ZEB2: variants seen among roughly 807,000 people sequenced by gnomAD.
ZEB2 encodes zinc finger E-box binding homeobox 2, also known as zinc finger E-box-binding homeobox 2.
ZEB2 carries 6 observed loss-of-function variants against 99.9 expected under a neutral mutation model. That is an observed-to-expected ratio of 0.06 (90% confidence interval 0.03 to 0.12). The LOEUF is 0.12. Among genes scored for constraint, ZEB2 ranks in the 10% least tolerant of loss-of-function variants. The probability of loss-of-function intolerance (pLI) is 1.00; values close to 1 mark genes in which losing one functional copy is unlikely to be tolerated. For synonymous variants in ZEB2, 517 were observed against 542.5 expected (o/e 0.95, Z 0.65); for missense variants, 969 against 1,502.8 (o/e 0.64, Z 5.87).
intron 2 of ZEB2, among the ~76,000 whole-genome samples, chr2:144,435,525 G>A (rs1176590655): frequency 2.6e-5 from 4 of 151,686 alleles, no homozygotes; most frequent in Non-Finnish European, 5.9e-5. Context: ...TTTGAGTTTG[G>A]GAGGTCGAGG....
chr2:144,495,870 G>C lies in ZEB2; in HGVS notation c.73+21408C>G, dbSNP rs1354892445. ...GCAGAAAAGATGGTCTGAAAAATTG[G>C]GTTGTGCTTAGAGCCCTGTGGCTTG... On this transcript the variant is annotated intron_variant, in intron 2 of 9. Coordinates refer to ENST00000627532, the MANE Select transcript of ZEB2 (RefSeq NM_014795.4). 5 of 152,208 alleles carry C rather than the reference G, an allele frequency of 3.3e-5. No individual in the cohort carries two copies. In the East Asian group the frequency reaches 9.6e-4, roughly 29 times the overall value. The allele number at this position is 152,208 out of a possible 1,614,324, so 9.4% of individuals were successfully genotyped here. A position where few individuals can be genotyped will look rare whatever the true frequency, so the allele number is the denominator to read the frequency against.
At chr2:144,518,824 T>G (rs1015564234) in intron 1 of ZEB2, 1 of 152,242 alleles carries the variant, frequency 6.6e-6, no homozygotes, top group African/African-American at 2.4e-5. Flanking sequence ...ATATTCATCC[T>G]GAGACACACG....
At chr2:144,405,094 C>A in intron 4 of ZEB2, 70 bp from the exon 5 acceptor site, 1 of 1,511,960 alleles carries the variant, frequency 6.6e-7, no homozygotes, top group Non-Finnish European at 9.1e-7. Flanking sequence ...CCATCTCCAT[C>A]ATAGCCAGTG....
chr2:144,490,177 A>G (rs1318014131), intron 2 of ZEB2, among the ~76,000 whole-genome samples: 2 of 152,200 alleles, frequency 1.3e-5, no homozygotes, highest in East Asian at 3.8e-4. Context: ...CTCTCCCCAG[A>G]TATAGTTCAA....
At chr2:144,451,067 G>T (rs571839720) in intron 2 of ZEB2, among the ~76,000 whole-genome samples, 6 of 152,190 alleles carry the variant, frequency 3.9e-5, no homozygotes, top group African/African-American at 1.4e-4. Flanking sequence ...TGAGAGTGGG[G>T]GAGTCATAAA....
intron 2 of ZEB2, among the ~76,000 whole-genome samples, chr2:144,432,123 G>T (rs1703781896): frequency 6.6e-6 from 1 of 151,982 alleles, no homozygotes; most frequent in African/African-American, 2.4e-5. Context: ...AAAAAAAAGA[G>T]AGATAAATGA....
At chr2:144,407,346 T>G (rs1386267233) in intron 4 of ZEB2, among the ~76,000 whole-genome samples, 1 of 152,244 alleles carries the variant, frequency 6.6e-6, no homozygotes, top group Non-Finnish European at 1.5e-5. Context: ...TGTTATTAGC[T>G]GGACTTAATA....
At chr2:144,484,443 G>A (rs1246579274) in intron 2 of ZEB2, among the ~76,000 whole-genome samples, 1 of 151,954 alleles carries the variant, frequency 6.6e-6, no homozygotes, top group Non-Finnish European at 1.5e-5. Context: ...CAAATGTGTA[G>A]GACTCTTCTT....
At position 144,385,857 on chromosome 2, in the gene ZEB2, T is replaced by C. The variant is rs957317557; in HGVS notation, c.*3594A>G. On this transcript the variant is annotated 3_prime_UTR_variant, in exon 10 of 10. Coordinates refer to ENST00000627532, the MANE Select transcript of ZEB2 (RefSeq NM_014795.4). Reference sequence around the variant, plus strand: ...AAAAGTTATCTGATTGTGAAAAGTATCTAATACATTTATTCATATTTATTC... The same window carrying C: ...AAAAGTTATCTGATTGTGAAAAGTACCTAATACATTTATTCATATTTATTC... The C allele has an allele frequency of 6.6e-6, 1 of 152,224 alleles. No homozygotes were observed. Among genetic ancestry groups the C allele is most frequent in the Non-Finnish European group, 1.5e-5 (1 of 68,024 alleles). The allele number at this position is 152,224 out of a possible 1,614,324, so 9.4% of individuals were successfully genotyped here.
chr2:144,422,381 T>C (rs1011825771), intron 4 of ZEB2, among the ~76,000 whole-genome samples: 3 of 152,208 alleles, frequency 2.0e-5, no homozygotes, highest in Non-Finnish European at 4.4e-5. Context: ...CAGACTCCTC[T>C]TCAATTAGAA....
chr2:144,466,210 A>G (rs1455107582), intron 2 of ZEB2, among the ~76,000 whole-genome samples: 2 of 152,210 alleles, frequency 1.3e-5, no homozygotes, highest in Admixed American at 1.3e-4. Context: ...AAAGTCTGTT[A>G]ACTATCACTA....
At chr2:144,445,295 G>T (rs1703968424) in intron 2 of ZEB2, among the ~76,000 whole-genome samples, 1 of 142,096 alleles carries the variant, frequency 7.0e-6, no homozygotes. Context: ...TTTGATCAGA[G>T]GCATGAAAGT....
rs1703348746 is a variant in ZEB2, at chr2:144,404,033, G to A, written c.690C>T (p.Ile230=). 2 of 1,614,132 alleles carry A rather than the reference G, an allele frequency of 1.2e-6. No homozygotes were observed. Among genetic ancestry groups the A allele is most frequent in the Non-Finnish European group, 8.5e-7 (1 of 1,180,034 alleles). The change falls in exon 6 of 10, where the codon ATC becomes ATT. Residue 230 remains isoleucine, a synonymous_variant. Transcript: ENST00000627532. ...YKRLTSLKEH[I]KYRHEKNEEN... ...CTTCATTCTTCTCGTGGCGGTACTT[G>A]ATGTGCTCCTTCAGTGATGTCAAGC...
At chr2:144,490,041 A>G (rs1243754724) in intron 2 of ZEB2, among the ~76,000 whole-genome samples, 1 of 152,166 alleles carries the variant, frequency 6.6e-6, no homozygotes, top group African/African-American at 2.4e-5. Context: ...ATTTGGGGGA[A>G]TTACTAAAAT....
chr2:144,494,203 AG>A (rs1232170015), intron 2 of ZEB2: 3 of 152,114 alleles, frequency 2.0e-5, no homozygotes, highest in African/African-American at 2.4e-5. Context: ...CTAATAAAAC[AG>A]GAATATTTCA....
intron 4 of ZEB2, among the ~76,000 whole-genome samples, chr2:144,420,289 A>G (rs1307183207): frequency 1.3e-5 from 2 of 152,180 alleles, no homozygotes; most frequent in Non-Finnish European, 2.9e-5. Flanking sequence ...GCTGGAGTGC[A>G]GTGGATTATG....
intron 5 of ZEB2, 32 bp downstream of exon 5, chr2:144,404,804 G>A: frequency 6.2e-7 from 1 of 1,609,234 alleles, no homozygotes; most frequent in Non-Finnish European, 8.5e-7. Flanking sequence ...GCAGAGGTCA[G>A]TGCAGTGGCT....
intron 4 of ZEB2, among the ~76,000 whole-genome samples, chr2:144,414,670 G>A (rs1300971427): frequency 1.3e-5 from 2 of 152,168 alleles, no homozygotes; most frequent in Admixed American, 6.5e-5. Context: ...AGTTGCACAA[G>A]TAATTTCTGG....
intron 2 of ZEB2, among the ~76,000 whole-genome samples, chr2:144,479,697 G>C (rs1199422128): frequency 3.7e-5 from 4 of 108,224 alleles, no homozygotes; most frequent in Non-Finnish European, 5.8e-5. Flanking sequence ...GGGGGGGGCG[G>C]GGGGTGGACT....
Sources: allele counts gnomAD v4.1 joint callset (sites outside exome capture counted in the v4.1 genomes callset), GRCh38; gene constraint gnomAD v4.1.1; transcripts MANE v1.5; gene names NCBI Gene and HGNC (gene_info 2026-07-23, HGNC 2026-07-21).